Variants in SMOC1 observed in about 807,000 individuals in gnomAD.
The protein encoded by SMOC1 is SPARC-related modular calcium-binding protein 1.
SMOC1 carries 22 observed loss-of-function variants against 56.3 expected under a neutral mutation model. That is an observed-to-expected ratio of 0.39 (90% confidence interval 0.28 to 0.56). The LOEUF (loss-of-function observed/expected upper bound fraction) is 0.56, where lower values mean the gene tolerates loss of function less well. SMOC1 is among the 20% of genes least tolerant of loss of function. SMOC1 has a pLI of 0.61. For synonymous variants in SMOC1, 193 were observed against 215.0 expected, an observed-to-expected ratio of 0.90 and a Z score of 0.89; for missense variants, 509 against 565.4, an observed-to-expected ratio of 0.90 and a Z score of 1.01.
At chr14:69,920,238 C>A (rs958578762) in intron 1 of SMOC1, among the ~76,000 whole-genome samples, 1 of 152,196 alleles carries the variant, frequency 6.6e-6, no homozygotes, top group Non-Finnish European at 1.5e-5. Flanking sequence ...ATCTCTAGGT[C>A]TTTGCTATGG....
chr14:69,953,514 G>T lies in SMOC1; in HGVS notation c.360G>T (p.Glu120Asp), dbSNP rs752262272. 1 of 1,614,218 alleles carries T rather than the reference G, an allele frequency of 6.2e-7. No homozygotes were observed. The highest frequency in any genetic ancestry group is 2.2e-5 in the East Asian group (1 of 44,880). Residue 120 changes from glutamate to aspartate, a missense_variant, in exon 3 of 12, where the codon GAG becomes GAT. Transcript: ENST00000361956. Reference sequence around the variant, plus strand: ...CTGTGTTTGTCCCAGAGTGTGGCGAGGATGGCTCCTTTACCCAGGTGAGGC... The same window carrying T: ...CTGTGTTTGTCCCAGAGTGTGGCGATGATGGCTCCTTTACCCAGGTGAGGC... Reference protein sequence around the residue: ...QEAVFVPECGEDGSFTQVQCH... With the variant: ...QEAVFVPECGDDGSFTQVQCH...
chr14:69,891,680 C>G (rs1409576417), intron 1 of SMOC1, among the ~76,000 whole-genome samples: 1 of 152,142 alleles, frequency 6.6e-6, no homozygotes, highest in African/African-American at 2.4e-5. Flanking sequence ...CCTCCCCAGG[C>G]CTCTGCTTGC....
At chr14:69,962,166 T>G (rs1272682541) in intron 3 of SMOC1, among the ~76,000 whole-genome samples, 1 of 152,172 alleles carries the variant, frequency 6.6e-6, no homozygotes, top group Non-Finnish European at 1.5e-5. Flanking sequence ...TCTCTCTCTT[T>G]TTTTTTTATT....
chr14:69,979,048 T>G (rs1395689409), intron 5 of SMOC1, among the ~76,000 whole-genome samples: 1 of 151,956 alleles, frequency 6.6e-6, no homozygotes. Flanking sequence ...AGTTTGGGGC[T>G]TCCCACCTGC....
intron 7 of SMOC1, among the ~76,000 whole-genome samples, chr14:70,008,789 G>T (rs993175308): frequency 1.6e-4 from 24 of 152,166 alleles, no homozygotes; most frequent in Admixed American, 1.6e-3. Flanking sequence ...CTTTGGTTTT[G>T]CTCCTCTATT....
intron 1 of SMOC1, among the ~76,000 whole-genome samples, chr14:69,898,369 ATTC>A (rs1481582221): frequency 6.6e-6 from 1 of 152,058 alleles, no homozygotes; most frequent in African/African-American, 2.4e-5. Context: ...GCTTCAAATA[ATTC>A]TTCTGTTTCT....
At chr14:69,938,159 C>T (rs1238390741) in intron 1 of SMOC1, among the ~76,000 whole-genome samples, 1 of 152,154 alleles carries the variant, frequency 6.6e-6, no homozygotes, top group Non-Finnish European at 1.5e-5. Context: ...TGACATTTTC[C>T]TTCATGATAA....
intron 1 of SMOC1, among the ~76,000 whole-genome samples, chr14:69,910,599 T>A (rs200536842): frequency 7.2e-4 from 6 of 8,342 alleles, no homozygotes; most frequent in Non-Finnish European, 0.1. Flanking sequence ...GTTTGAAGGA[T>A]TTTTTTTTTT....
intron 8 of SMOC1, 31 bp downstream of exon 8, chr14:70,010,977 A>T: frequency 6.2e-7 from 1 of 1,610,732 alleles, no homozygotes; most frequent in Non-Finnish European, 8.5e-7. Flanking sequence ...CCTGGGAAAA[A>T]CGCACCTGCT....
At chr14:69,893,055 C>T (rs10782458) in intron 1 of SMOC1, among the ~76,000 whole-genome samples, 103,677 of 152,104 alleles carry the variant, frequency 0.68, 40,012 homozygotes, top group East Asian at 0.91. Flanking sequence ...CTGGAGTTTC[C>T]GCACTAGATT....
intron 1 of SMOC1, among the ~76,000 whole-genome samples, chr14:69,931,808 G>T (rs559653485): frequency 3.9e-5 from 6 of 152,180 alleles, no homozygotes; most frequent in Non-Finnish European, 8.8e-5. Flanking sequence ...AAATGGCCAC[G>T]CTTTAGTGTC....
intron 10 of SMOC1, among the ~76,000 whole-genome samples, chr14:70,013,712 C>CT (rs1885414146): frequency 6.6e-6 from 1 of 152,266 alleles, no homozygotes; most frequent in Admixed American, 6.5e-5. Flanking sequence ...TTGTCCCTAG[C>CT]TTTTAGTTAC....
At chr14:69,982,813 C>T (rs990183867) in intron 5 of SMOC1, among the ~76,000 whole-genome samples, 2 of 152,212 alleles carry the variant, frequency 1.3e-5, no homozygotes, top group African/African-American at 4.8e-5. Flanking sequence ...TGGAGATGGG[C>T]AGCTGACGAC....
Position 69,997,066 on chromosome 14 carries a change from C to A in SMOC1, c.664+2586C>A, listed in dbSNP as rs934539384. On this transcript the variant is annotated intron_variant, in intron 7 of 11. Transcript: ENST00000361956. ...AAAGCCTAAAATATTTATTATCTGA[C>A]CCTTTACAGAAAAGCTTTCTGGCTT... is the stretch of plus-strand genomic sequence containing the variant. 2.0e-5 allele frequency among the ~76,000 whole-genome samples: 3 copies of A among 152,240 alleles called. No individual in the cohort carries two copies. In the East Asian group the frequency reaches 5.8e-4, roughly 29 times the overall value.
chr14:69,970,407 G>A (rs185902715), intron 3 of SMOC1, among the ~76,000 whole-genome samples: 1 of 152,248 alleles, frequency 6.6e-6, no homozygotes, highest in African/African-American at 2.4e-5. Flanking sequence ...GACCTCTAAG[G>A]CTTTTTCCAG....
At chr14:69,996,335 T>C (rs1255679176) in intron 7 of SMOC1, among the ~76,000 whole-genome samples, 2 of 152,238 alleles carry the variant, frequency 1.3e-5, no homozygotes, top group Non-Finnish European at 2.9e-5. Context: ...ATAGCTATTG[T>C]TCTTGTCTCC....
chr14:69,912,461 G>A (rs1884578454), intron 1 of SMOC1, among the ~76,000 whole-genome samples: 1 of 152,174 alleles, frequency 6.6e-6, no homozygotes, highest in Non-Finnish European at 1.5e-5. Flanking sequence ...TGTGTTGCCT[G>A]AGCCGGTCTC....
At chr14:69,894,476 G>A (rs1386022568) in intron 1 of SMOC1, among the ~76,000 whole-genome samples, 5 of 152,164 alleles carry the variant, frequency 3.3e-5, no homozygotes, top group Non-Finnish European at 5.9e-5. Context: ...CTGTGGCAGC[G>A]GTGGGAGATA....
rs190602444 is a variant in SMOC1 at position 69,930,198 on chromosome 14, C to G, written c.100-21940C>G. Among the ~76,000 whole-genome samples the G allele has an allele frequency of 2.0e-5, 3 of 151,740 alleles. No individual in the cohort carries two copies. In the South Asian group the frequency reaches 6.2e-4, roughly 32 times the overall value. ...GACAGCACCCTTCCCACTCCCCTGACAGCACCCTTCTCACCCCCCTGACAG... is the reference window on the plus strand; with the variant it reads ...GACAGCACCCTTCCCACTCCCCTGAGAGCACCCTTCTCACCCCCCTGACAG... On this transcript the variant is annotated intron_variant, in intron 1 of 11. Transcript: ENST00000361956.
Sources: allele counts gnomAD v4.1 joint callset (sites outside exome capture counted in the v4.1 genomes callset), GRCh38; gene constraint gnomAD v4.1.1; transcripts MANE v1.5; gene names NCBI Gene and HGNC (gene_info 2026-07-23, HGNC 2026-07-21).